The following AGPAT5 variants were observed in gnomAD, a reference collection of about 807,000 sequenced individuals.
AGPAT5 encodes the protein 1-acylglycerol-3-phosphate O-acyltransferase 5.
In AGPAT5, 46 loss-of-function variants were observed where a neutral mutation model predicts 45.6. That is an observed-to-expected ratio of 1.01 (90% CI 0.80 to 1.29). The LOEUF (loss-of-function observed/expected upper bound fraction) is 1.29, where lower values mean the gene tolerates loss of function less well. Among genes scored for constraint, AGPAT5 ranks in the 50% most tolerant of loss-of-function variants. AGPAT5 has a pLI of 0.00. For synonymous variants in AGPAT5, 272 were observed against 167.0 expected (o/e 1.63, Z -4.85); for missense variants, 673 against 450.7 (o/e 1.49, Z -4.47).
At chr8:6,735,433 C>T (rs184493088) in intron 4 of AGPAT5, among the ~76,000 whole-genome samples, 1 of 152,200 alleles carries the variant, frequency 6.6e-6, no homozygotes, top group East Asian at 1.9e-4. Flanking sequence ...GCTGCATTCT[C>T]CTTGTGTCTG....
intron 5 of AGPAT5, among the ~76,000 whole-genome samples, chr8:6,747,120 C>T (rs1801499378): frequency 6.6e-6 from 1 of 152,172 alleles, no homozygotes; most frequent in African/African-American, 2.4e-5. Flanking sequence ...TGGATGCAAC[C>T]CAAATGTCCA....
chr8:6,749,270 C>T (rs891694166), intron 6 of AGPAT5, among the ~76,000 whole-genome samples: 1 of 151,994 alleles, frequency 6.6e-6, no homozygotes, highest in African/African-American at 2.4e-5. Flanking sequence ...GGGAGGGAGG[C>T]TGGAGGAGTG....
chr8:6,727,735 A>G (rs1472971601), intron 2 of AGPAT5, among the ~76,000 whole-genome samples: 1 of 152,100 alleles, frequency 6.6e-6, no homozygotes, highest in African/African-American at 2.4e-5. Context: ...CTGAAGTGTC[A>G]CTTTTCTTGT....
rs543244659 is a variant in AGPAT5 at position 6,760,054 on chromosome 8, G to T, written c.*2666G>T. Among the ~76,000 whole-genome samples the T allele has an allele frequency of 7.2e-5, 11 of 152,162 alleles. 1 individual carries two copies. In the South Asian group the frequency reaches 2.3e-3, roughly 32 times the overall value. ...CATGTGATTTTTAAAATTTAGAGTG[G>T]CAACAATTTTGCTTAATATGGGTTA... On this transcript the variant is annotated 3_prime_UTR_variant, in exon 8 of 8. Coordinates refer to ENST00000285518, the MANE Select transcript of AGPAT5 (RefSeq NM_018361.5).
chr8:6,710,300 G>T (rs17573292), intron 1 of AGPAT5, among the ~76,000 whole-genome samples: 2,323 of 152,304 alleles, frequency 0.015, 34 homozygotes, highest in Non-Finnish European at 0.022. Flanking sequence ...GATGTTCAGA[G>T]ATCCGATTTA....
At chr8:6,729,483 T>C (rs1800792413) in intron 2 of AGPAT5, among the ~76,000 whole-genome samples, 1 of 146,292 alleles carries the variant, frequency 6.8e-6, no homozygotes, top group Non-Finnish European at 1.5e-5. Context: ...TGAGCTCATG[T>C]GTGTATTAAC....
intron 5 of AGPAT5, among the ~76,000 whole-genome samples, chr8:6,743,753 A>G (rs542577732): frequency 6.7e-6 from 1 of 149,010 alleles, no homozygotes; most frequent in East Asian, 2.0e-4. Flanking sequence ...TGGACCCATT[A>G]AAGTAAGCCC....
chr8:6,710,996 C>G (rs1029879573), intron 1 of AGPAT5, among the ~76,000 whole-genome samples: 11 of 152,158 alleles, frequency 7.2e-5, no homozygotes, highest in Middle Eastern at 3.4e-3. Context: ...ATTGTTGACT[C>G]ATTTCTGAAG....
intron 1 of AGPAT5, among the ~76,000 whole-genome samples, chr8:6,719,795 ATGG>A (rs796880407): frequency 1.3e-5 from 2 of 152,308 alleles, no homozygotes; most frequent in South Asian, 4.1e-4. Flanking sequence ...TCTGCTCCTA[ATGG>A]TGGTATTCTA....
chr8:6,716,550 A>G (rs1800336225), intron 1 of AGPAT5, among the ~76,000 whole-genome samples: 1 of 151,984 alleles, frequency 6.6e-6, no homozygotes, highest in Non-Finnish European at 1.5e-5. Context: ...AAAAAGGTAA[A>G]AGGGCCAGGT....
intron 2 of AGPAT5, 99 bp from the exon 3 acceptor site, chr8:6,730,612 G>C (rs1800829198): frequency 1.9e-6 from 1 of 514,466 alleles, no homozygotes; most frequent in Non-Finnish European, 3.4e-6. Context: ...TTACAGGCGT[G>C]AGCCACCGCG....
intron 1 of AGPAT5, chr8:6,709,180 T>A: frequency 2.1e-6 from 1 of 479,222 alleles, no homozygotes; most frequent in Non-Finnish European, 3.8e-6. Context: ...CAGATGCACG[T>A]TTTAAATAAT....
chr8:6,723,485 C>T (rs1032290007), intron 1 of AGPAT5, among the ~76,000 whole-genome samples: 2 of 151,910 alleles, frequency 1.3e-5, no homozygotes, highest in South Asian at 2.1e-4. Context: ...CTCCCCAAAG[C>T]ACTGGGATTG....
intron 2 of AGPAT5, among the ~76,000 whole-genome samples, chr8:6,729,759 A>G (rs1344448383): frequency 6.6e-6 from 1 of 152,232 alleles, no homozygotes; most frequent in Non-Finnish European, 1.5e-5. Context: ...AACAACTTCT[A>G]GGAAGTTTTT....
intron 6 of AGPAT5, among the ~76,000 whole-genome samples, chr8:6,748,551 C>G (rs1801554603): frequency 6.6e-6 from 1 of 152,310 alleles, no homozygotes; most frequent in African/African-American, 2.4e-5. Flanking sequence ...GTCGCCCAGG[C>G]TGGAGTGCAG....
rs374017997 is a variant in AGPAT5, at chr8:6,708,848, C to A, written c.180C>A (p.Ser60Arg). ...LDDRLYCVYQ[S>R]MVLFFFENYT... ...ACCGGCTCTACTGCGTCTACCAGAG[C>A]ATGGTGCTCTTCTTCTTCGAGAATT... The change falls in exon 1 of 8, where the codon AGC (serine) becomes AGA (arginine). Residue 60 changes from serine to arginine, a missense_variant. By Grantham distance (110) the Ser-to-Arg change is moderately radical. Transcript: ENST00000285518. 6.6e-5 allele frequency: 107 copies of A among 1,611,032 alleles called. No individual in the cohort carries two copies. The highest frequency in any genetic ancestry group is 8.7e-5 in the Non-Finnish European group (103 of 1,179,398).
intron 4 of AGPAT5, among the ~76,000 whole-genome samples, chr8:6,739,874 T>A (rs559474873): frequency 1.3e-5 from 2 of 152,262 alleles, no homozygotes; most frequent in Admixed American, 1.3e-4. Context: ...ATTCTTTAGT[T>A]CCTAGCCCCA....
At chr8:6,738,714 T>C (rs773724381) in intron 4 of AGPAT5, among the ~76,000 whole-genome samples, 3 of 152,198 alleles carry the variant, frequency 2.0e-5, no homozygotes, top group Non-Finnish European at 4.4e-5. Flanking sequence ...TGTACAAGTT[T>C]TTTGCATCTG....
intron 3 of AGPAT5, among the ~76,000 whole-genome samples, chr8:6,732,177 A>ATT (rs111300530): frequency 6.6e-6 from 1 of 151,390 alleles, no homozygotes. Context: ...AAAGATCGTG[A>ATT]GACATGTTAA....
Sources: allele counts gnomAD v4.1 joint callset (sites outside exome capture counted in the v4.1 genomes callset), GRCh38; gene constraint gnomAD v4.1.1; transcripts MANE v1.5; gene names NCBI Gene and HGNC (gene_info 2026-07-23, HGNC 2026-07-21).